The following SLC25A24 variants were observed in gnomAD, a reference collection of about 807,000 sequenced individuals.
SLC25A24 encodes mitochondrial adenyl nucleotide antiporter SLC25A24.
Under a neutral mutation model 60.7 loss-of-function variants are expected in SLC25A24, and 49 were observed. The observed-to-expected ratio is 0.81, with a 90% CI of 0.64 to 1.02. The LOEUF (loss-of-function observed/expected upper bound fraction) is 1.02. SLC25A24 is among the 50% of genes least tolerant of loss of function. The pLI, the probability that SLC25A24 is intolerant of heterozygous loss-of-function variation, is 0.00. For missense variants in SLC25A24, 564 were observed against 586.3 expected (o/e 0.96, Z 0.39); for synonymous variants, 202 against 200.6 (o/e 1.01, Z -0.06).
At chr1:108,193,156 T>A (rs993897926) in intron 1 of SLC25A24, among the ~76,000 whole-genome samples, 16 of 140,024 alleles carry the variant, frequency 1.1e-4, no homozygotes, top group African/African-American at 4.0e-4. Flanking sequence ...TCCTTCTTTT[T>A]AAAAATCCTT....
Position 108,190,728 on chromosome 1 carries a change from T to C in SLC25A24, c.184-4774A>G, listed in dbSNP as rs1197764339. 2.4e-5 allele frequency among the ~76,000 whole-genome samples: 3 copies of C among 124,484 alleles called. 1 individual carries two copies. Among genetic ancestry groups the C allele is most frequent in the African/African-American group, 8.3e-5 (3 of 36,174 alleles). The allele number at this position is 124,484 out of a possible 152,430, so 81.7% of individuals were successfully genotyped here. ...TTTTTAATCAGTTGAGTTTTGTCTATATAAACAAATTTTCCTACTGGGGAG... is the reference window on the plus strand; with the variant it reads ...TTTTTAATCAGTTGAGTTTTGTCTACATAAACAAATTTTCCTACTGGGGAG... On this transcript the variant is annotated intron_variant, in intron 1 of 9. Coordinates refer to ENST00000565488, the MANE Select transcript of SLC25A24 (RefSeq NM_013386.5).
intron 3 of SLC25A24, among the ~76,000 whole-genome samples, chr1:108,166,064 G>A (rs1278964282): frequency 1.3e-5 from 2 of 151,880 alleles, no homozygotes; most frequent in Admixed American, 6.6e-5. Context: ...GCTTAGTTTG[G>A]CTGGATATGA....
Position 108,139,138 on chromosome 1 carries a change from C to G in SLC25A24, c.1169G>C (p.Gly390Ala). 6.2e-7 allele frequency: 1 copy of G among 1,611,416 alleles called. No homozygotes were observed. Among genetic ancestry groups the G allele is most frequent in the Non-Finnish European group, 8.5e-7 (1 of 1,178,752 alleles). The change falls in exon 9 of 10, where the codon GGA becomes GCA. Residue 390 changes from glycine (G) to alanine (A), a missense_variant. Gly to Ala is a moderately conservative substitution (Grantham distance 60). Coordinates refer to ENST00000565488, the MANE Select transcript of SLC25A24 (RefSeq NM_013386.5). ...ACAGGTGCTGGATAAGGCACCGCATCCCAGCAACACCATGACTCCAGGGTT... is the reference window on the plus strand; with the variant it reads ...ACAGGTGCTGGATAAGGCACCGCATGCCAGCAACACCATGACTCCAGGGTT... ...SVNPGVMVLL[G>A]CGALSSTCGQ...
chr1:108,170,178 T>C (rs371334730), intron 3 of SLC25A24, among the ~76,000 whole-genome samples: 2 of 152,218 alleles, frequency 1.3e-5, no homozygotes, highest in East Asian at 3.8e-4. Flanking sequence ...AGTTTTAATG[T>C]TTTCAAGTCA....
rs966929013 is a variant in SLC25A24 at position 108,193,937 on chromosome 1, C to T, written c.183+6019G>A. Among the ~76,000 whole-genome samples the T allele has an allele frequency of 1.4e-5, 2 of 139,314 alleles. 1 individual carries two copies. Among genetic ancestry groups the T allele is most frequent in the East Asian group, 5.2e-4 (2 of 3,828 alleles). 91.4% of individuals were successfully genotyped at this position (139,314 alleles called of 152,430 possible). On this transcript the variant is annotated intron_variant, in intron 1 of 9. Coordinates refer to ENST00000565488, the MANE Select transcript of SLC25A24 (RefSeq NM_013386.5). ...ACAGAGGGCCCTGGCTTCCCCAGAC[C>T]AACACCTGTGCTCCCTCATCCTGCA...
chr1:108,182,408 T>C (rs1000136226), intron 2 of SLC25A24, among the ~76,000 whole-genome samples: 1 of 152,238 alleles, frequency 6.6e-6, no homozygotes, highest in African/African-American at 2.4e-5. Context: ...CTATTCATTT[T>C]AAAAGTACCT....
At chr1:108,155,935 G>A (rs567053067) in intron 5 of SLC25A24, among the ~76,000 whole-genome samples, 29 of 145,368 alleles carry the variant, frequency 2.0e-4, no homozygotes, top group South Asian at 1.3e-3. Flanking sequence ...CACATAAAAG[G>A]GGTGACTACC....
chr1:108,184,872 A>C (rs1648063446), intron 2 of SLC25A24, among the ~76,000 whole-genome samples: 1 of 152,230 alleles, frequency 6.6e-6, no homozygotes, highest in Admixed American at 6.5e-5. Flanking sequence ...TTTAATAACA[A>C]GTCTGTAAAT....
At chr1:108,172,151 T>C (rs1222532765) in intron 3 of SLC25A24, among the ~76,000 whole-genome samples, 2 of 152,138 alleles carry the variant, frequency 1.3e-5, no homozygotes, top group African/African-American at 4.8e-5. Context: ...AGAAGATAAT[T>C]ATGACATATG....
At chr1:108,142,207 C>T (rs1679462015) in intron 8 of SLC25A24, among the ~76,000 whole-genome samples, 1 of 152,140 alleles carries the variant, frequency 6.6e-6, no homozygotes, top group Non-Finnish European at 1.5e-5. Context: ...GGAAAACAGT[C>T]TGATAGTTCC....
intron 1 of SLC25A24, among the ~76,000 whole-genome samples, chr1:108,197,385 T>G (rs987345208): frequency 6.6e-6 from 1 of 152,174 alleles, no homozygotes; most frequent in Non-Finnish European, 1.5e-5. Flanking sequence ...TTTATAGAGA[T>G]TTTGCTTCAA....
At chr1:108,171,007 T>A (rs79621365) in intron 3 of SLC25A24, among the ~76,000 whole-genome samples, 3,657 of 152,222 alleles carry the variant, frequency 0.024, 75 homozygotes, top group Middle Eastern at 0.058. Flanking sequence ...AGGGCACATT[T>A]TAGTGGAGTT....
chr1:108,180,607 A>G (rs1473532041), intron 3 of SLC25A24, among the ~76,000 whole-genome samples: 1 of 136,306 alleles, frequency 7.3e-6, no homozygotes, highest in Non-Finnish European at 1.5e-5. Context: ...AATAGAAAGC[A>G]AGAGAAAGAT....
chr1:108,158,858 C>T (rs374334196), intron 4 of SLC25A24, among the ~76,000 whole-genome samples: 2 of 152,122 alleles, frequency 1.3e-5, no homozygotes, highest in Non-Finnish European at 1.5e-5. Flanking sequence ...AAAAAATTAG[C>T]CAGGCGCAGT....
chr1:108,157,608 C>T lies in SLC25A24; in HGVS notation c.523G>A (p.Gly175Arg). Reference protein sequence around the residue: ...FWKHSTGIDIGDSLTIPDEFT... With the variant: ...FWKHSTGIDIRDSLTIPDEFT... ...TCATCTGGAATAGTTAAGCTATCCCCTATGTCAATTCCCTGTAAAAATGAA... is the reference window on the plus strand; with the variant it reads ...TCATCTGGAATAGTTAAGCTATCCCTTATGTCAATTCCCTGTAAAAATGAA... Residue 175 changes from glycine to arginine, a missense_variant, in exon 5 of 10, where the codon GGG becomes AGG. Gly to Arg is a moderately radical substitution (Grantham distance 125, BLOSUM62 -2). Transcript: ENST00000565488. The T allele has an allele frequency of 6.2e-7, 1 of 1,613,604 alleles. No homozygotes were observed. Among genetic ancestry groups the T allele is most frequent in the Non-Finnish European group, 8.5e-7 (1 of 1,179,682 alleles).
At chr1:108,196,920 G>C (rs912680250) in intron 1 of SLC25A24, among the ~76,000 whole-genome samples, 3 of 152,172 alleles carry the variant, frequency 2.0e-5, no homozygotes, top group Non-Finnish European at 2.9e-5. Context: ...AAGTATAAGA[G>C]AATTAGTAAT....
rs375259134 is a variant in SLC25A24 at position 108,186,104 on chromosome 1, T to A, written c.184-150A>T. 5 of 528,366 alleles carry A rather than the reference T, an allele frequency of 9.5e-6. No individual in the cohort carries two copies. The East Asian group carries it at 1.0e-4, about 11-fold the overall frequency. The allele number at this position is 528,366 out of a possible 1,614,324, so 32.7% of individuals were successfully genotyped here. On this transcript the variant is annotated intron_variant, in intron 1 of 9. Coordinates refer to ENST00000565488, the MANE Select transcript of SLC25A24 (RefSeq NM_013386.5). The stretch of plus-strand genomic sequence containing the variant: ...GTATCATCATTCATTATCGCAAAGA[T>A]CTATAATAAAAGTAATTCCACTACT...
intron 3 of SLC25A24, among the ~76,000 whole-genome samples, chr1:108,169,586 G>A (rs1322622584): frequency 1.3e-5 from 2 of 152,080 alleles, no homozygotes; most frequent in African/African-American, 2.4e-5. Flanking sequence ...TATACTGTCT[G>A]CTTTTGGTGT....
intron 4 of SLC25A24, among the ~76,000 whole-genome samples, chr1:108,158,955 A>G (rs1679978939): frequency 1.3e-5 from 2 of 152,176 alleles, no homozygotes; most frequent in African/African-American, 4.8e-5. Context: ...GAGAGCCGAG[A>G]TCGCACCACT....
Sources: allele counts gnomAD v4.1 joint callset (sites outside exome capture counted in the v4.1 genomes callset), GRCh38; gene constraint gnomAD v4.1.1; transcripts MANE v1.5; gene names NCBI Gene and HGNC (gene_info 2026-07-23, HGNC 2026-07-21).